The following ZC3H15 variants were observed in gnomAD, a reference collection of about 807,000 sequenced individuals.
ZC3H15 encodes zinc finger CCCH domain-containing protein 15.
ZC3H15 carries 15 observed loss-of-function variants against 51.2 expected under a neutral mutation model. The ratio of observed to expected loss-of-function variants is 0.29; its 90% CI spans 0.20 to 0.45. The LOEUF is 0.45. Ranked by LOEUF, ZC3H15 falls within the 20% of genes least tolerant of loss-of-function variation. The probability of loss-of-function intolerance (pLI) is 1.00; values close to 1 mark genes in which losing one functional copy is unlikely to be tolerated. For synonymous variants in ZC3H15, 144 were observed against 162.8 expected, an observed-to-expected ratio of 0.88 and a Z score of 0.88; for missense variants, 381 against 494.7, an observed-to-expected ratio of 0.77 and a Z score of 2.18.
chr2:186,488,794 G>A (rs1382913490), intron 1 of ZC3H15: 1 of 140,308 alleles, frequency 7.1e-6, no homozygotes, highest in African/African-American at 2.7e-5. Context: ...CTACAGGATA[G>A]GCATCATTAG....
At chr2:186,490,929 C>G (rs959040818) in intron 1 of ZC3H15, among the ~76,000 whole-genome samples, 1 of 152,122 alleles carries the variant, frequency 6.6e-6, no homozygotes, top group Non-Finnish European at 1.5e-5. Context: ...CTTATTAATC[C>G]AATGAGGACC....
intron 4 of ZC3H15, 81 bp from the exon 5 acceptor site, chr2:186,502,415 A>G: frequency 3.3e-6 from 4 of 1,202,716 alleles, no homozygotes; most frequent in Non-Finnish European, 4.7e-6. Flanking sequence ...GTCTTATAAC[A>G]CAGCATTAGT....
intron 5 of ZC3H15, 55 bp downstream of exon 5, chr2:186,502,642 T>A (rs1191929470): frequency 1.4e-6 from 2 of 1,401,662 alleles, no homozygotes; most frequent in Non-Finnish European, 2.0e-6. Flanking sequence ...GGGAGAATTA[T>A]GTGGCAAGGT....
chr2:186,509,108 T>G lies in ZC3H15; in HGVS notation c.*375T>G. On this transcript the variant is annotated 3_prime_UTR_variant, in exon 10 of 10. Transcript: ENST00000337859. ...ACCCTTCATTTGACACAGTTTTTAA[T>G]GAGTGATTTAATTTCCTCTGTATTT... is the stretch of plus-strand genomic sequence containing the variant. 2 of 457,094 alleles carry G rather than the reference T, an allele frequency of 4.4e-6. No homozygotes were observed. Among genetic ancestry groups the G allele is most frequent in the Non-Finnish European group, 8.8e-6 (2 of 228,166 alleles). The allele number at this position is 457,094 out of a possible 1,614,324, so 28.3% of individuals were successfully genotyped here. A position where few individuals can be genotyped will look rare whatever the true frequency, so the allele number is the denominator to read the frequency against.
At chr2:186,504,496 G>A (rs1250057234) in intron 6 of ZC3H15, among the ~76,000 whole-genome samples, 2 of 152,148 alleles carry the variant, frequency 1.3e-5, no homozygotes, top group East Asian at 3.9e-4. Flanking sequence ...TACTAAAAAT[G>A]CTTAGTTCTC....
intron 2 of ZC3H15, among the ~76,000 whole-genome samples, chr2:186,498,274 C>A (rs777543621): frequency 1.3e-5 from 2 of 152,196 alleles, no homozygotes; most frequent in African/African-American, 2.4e-5. Context: ...GAGCCCAGGG[C>A]TAACTCTTGT....
chr2:186,492,187 C>T (rs749725525), intron 1 of ZC3H15, among the ~76,000 whole-genome samples: 10 of 152,136 alleles, frequency 6.6e-5, no homozygotes, highest in Non-Finnish European at 1.3e-4. Context: ...CCTGTAGATG[C>T]TGTTTAATCC....
chr2:186,498,171 G>A (rs1186006766), intron 2 of ZC3H15, among the ~76,000 whole-genome samples: 2 of 152,152 alleles, frequency 1.3e-5, no homozygotes, highest in Admixed American at 6.5e-5. Flanking sequence ...GGTTTGAACA[G>A]AGCCTGCATC....
chr2:186,494,765 A>C (rs1171716191), intron 1 of ZC3H15, among the ~76,000 whole-genome samples: 2 of 152,160 alleles, frequency 1.3e-5, no homozygotes, highest in Non-Finnish European at 2.9e-5. Context: ...GTGGGAATCG[A>C]ACAATGAGAA....
chr2:186,506,177 A>C lies in ZC3H15; in HGVS notation c.966+336A>C, dbSNP rs1685464565. The C allele has an allele frequency of 3.8e-5, 14 of 364,656 alleles. 1 individual carries two copies. Among genetic ancestry groups the C allele is most frequent in the South Asian group, 3.4e-4 (14 of 41,126 alleles). The allele number at this position is 364,656 out of a possible 1,614,324, so 22.6% of individuals were successfully genotyped here. Reference sequence around the variant, plus strand: ...TAAAAGAGAGAGTTATTTTTTGGTTAATATTTTATGCTTAAAAGTTATGGG... The same window carrying C: ...TAAAAGAGAGAGTTATTTTTTGGTTCATATTTTATGCTTAAAAGTTATGGG... On this transcript the variant is annotated intron_variant, in intron 8 of 9. Transcript: ENST00000337859.
At chr2:186,501,140 C>T in intron 3 of ZC3H15, 133 bp from the exon 4 acceptor site, 3 of 812,964 alleles carry the variant, frequency 3.7e-6, no homozygotes, top group Non-Finnish European at 3.6e-6. Flanking sequence ...TTGCTAATCA[C>T]CCATAAGTGC....
rs537849602 is a variant in ZC3H15 at position 186,498,946 on chromosome 2, A to C, written c.178-1236A>C. On this transcript the variant is annotated intron_variant, in intron 2 of 9. Coordinates refer to ENST00000337859, the MANE Select transcript of ZC3H15 (RefSeq NM_018471.3). ...GTCTATCTGCCTTCAAAAGAGCTCT[A>C]CCCAGATGCTTTGTAAGCATCTTGC... 1.8e-4 allele frequency among the ~76,000 whole-genome samples: 27 copies of C among 152,284 alleles called. No homozygotes were observed. The South Asian group carries it at 3.7e-3, about 21-fold the overall frequency.
At chr2:186,490,526 A>C (rs367675443) in intron 1 of ZC3H15, among the ~76,000 whole-genome samples, 1 of 152,208 alleles carries the variant, frequency 6.6e-6, no homozygotes, top group Non-Finnish European at 1.5e-5. Context: ...GTTGCATAAT[A>C]TATATTGCAT....
intron 1 of ZC3H15, among the ~76,000 whole-genome samples, chr2:186,494,363 A>T (rs771723738): frequency 3.9e-5 from 6 of 152,194 alleles, no homozygotes; most frequent in Admixed American, 6.5e-5. Context: ...ACATTTATTA[A>T]CTAAAAAACC....
intron 1 of ZC3H15, among the ~76,000 whole-genome samples, chr2:186,490,198 G>A (rs1685171569): frequency 6.6e-6 from 1 of 152,080 alleles, no homozygotes; most frequent in Non-Finnish European, 1.5e-5. Flanking sequence ...CAGGATTATG[G>A]TTCTGTTAGA....
chr2:186,502,721 A>G, intron 5 of ZC3H15, 134 bp downstream of exon 5: 3 of 646,272 alleles, frequency 4.6e-6, no homozygotes, highest in South Asian at 5.3e-5. Context: ...AAGATAAGGT[A>G]CACGAAGCTT....
chr2:186,494,103 C>A (rs1045565798), intron 1 of ZC3H15, among the ~76,000 whole-genome samples: 3 of 151,722 alleles, frequency 2.0e-5, no homozygotes, highest in Admixed American at 2.0e-4. Flanking sequence ...CAACCCCATA[C>A]TGCATACTTA....
chr2:186,490,701 T>G (rs1471947508), intron 1 of ZC3H15, among the ~76,000 whole-genome samples: 1 of 152,188 alleles, frequency 6.6e-6, no homozygotes, highest in Non-Finnish European at 1.5e-5. Flanking sequence ...CCAAACATCT[T>G]ATTTAAGCAG....
chr2:186,488,557 C>G (rs1685143286), intron 1 of ZC3H15: 1 of 152,180 alleles, frequency 6.6e-6, no homozygotes, highest in Admixed American at 6.5e-5. Flanking sequence ...CAATATGTCA[C>G]CTTTTGTGTT....
Sources: gnomAD v4.1 joint callset for allele counts (sites outside exome capture counted in the v4.1 genomes callset) on GRCh38, gnomAD v4.1.1 for gene constraint, MANE v1.5 for transcripts, NCBI Gene and HGNC (gene_info 2026-07-23, HGNC 2026-07-21) for gene names.